Variants in SNRPN observed in about 807,000 individuals in gnomAD.
SNRPN encodes small nuclear ribonucleoprotein polypeptide N, also known as small nuclear ribonucleoprotein-associated protein N.
A neutral mutation model predicts 25.2 loss-of-function variants in SNRPN; 7 were observed. The ratio of observed to expected loss-of-function variants is 0.28; its 90% CI spans 0.16 to 0.52. The LOEUF is 0.52. Among genes scored for constraint, SNRPN ranks in the 20% least tolerant of loss-of-function variants. The probability of loss-of-function intolerance (pLI) is 0.96; values close to 1 mark genes in which losing one functional copy is unlikely to be tolerated. For synonymous variants in SNRPN, 124 were observed against 110.6 expected, an observed-to-expected ratio of 1.12 and a Z score of -0.76; for missense variants, 196 against 322.5, an observed-to-expected ratio of 0.61 and a Z score of 3.00.
intron 3 of SNRPN, among the ~76,000 whole-genome samples, chr15:24,924,364 C>G (rs2060246026): frequency 6.6e-6 from 1 of 151,964 alleles, no homozygotes; most frequent in Non-Finnish European, 1.5e-5. Flanking sequence ...GTGACAAAGT[C>G]TGCGTGTGTT....
At chr15:24,969,427 C>T (rs2076121741) in intron 3 of SNRPN, among the ~76,000 whole-genome samples, 1 of 152,120 alleles carries the variant, frequency 6.6e-6, no homozygotes, top group African/African-American at 2.4e-5. Flanking sequence ...CCGCGCCCGG[C>T]CCATTTTGAG....
At chr15:24,857,365 A>G (rs953276560) in intron 1 of SNRPN, among the ~76,000 whole-genome samples, 5 of 152,148 alleles carry the variant, frequency 3.3e-5, no homozygotes, top group African/African-American at 9.6e-5. Flanking sequence ...AACCAATGAT[A>G]TAGATATATA....
chr15:24,960,804 G>A (rs2074661790), intron 1 of SNRPN, among the ~76,000 whole-genome samples: 1 of 152,098 alleles, frequency 6.6e-6, no homozygotes, highest in Admixed American at 6.5e-5. Context: ...TTTGAGGTGT[G>A]AGTGACATAC....
At chr15:24,962,332 A>G (rs1335049846) in intron 2 of SNRPN, 123 bp downstream of exon 2, 3 of 756,902 alleles carry the variant, frequency 4.0e-6, no homozygotes, top group Non-Finnish European at 6.9e-6. Flanking sequence ...TCTAATACAG[A>G]AGATGTAGTA....
chr15:24,928,784 T>A (rs2060592363), intron 3 of SNRPN, among the ~76,000 whole-genome samples: 1 of 152,006 alleles, frequency 6.6e-6, no homozygotes, highest in Non-Finnish European at 1.5e-5. Flanking sequence ...TTTTTTTAAT[T>A]TTCTATAAAG....
chr15:24,929,636 G>A lies in SNRPN; in HGVS notation c.-391+9512G>A, dbSNP rs1349395370. 3.3e-5 allele frequency among the ~76,000 whole-genome samples: 5 copies of A among 151,888 alleles called. No homozygotes were observed. The highest frequency in any genetic ancestry group is 7.3e-5 in the African/African-American group (3 of 41,358). On this transcript the variant is annotated intron_variant, in intron 3 of 11. Transcript: ENST00000400097. This position sits in a 1 kb window ranked among gnomAD's most constrained non-coding sequence, Gnocchi z 5.3. ...GCCCAGGGCCCTGGGCTGAGACCCA[G>A]CCAACTCTCTATGGGGCTGCCACAC...
intron 2 of SNRPN, chr15:24,909,354 T>G: frequency 6.2e-7 from 1 of 1,602,066 alleles, no homozygotes; most frequent in Non-Finnish European, 8.5e-7. Flanking sequence ...AAAACTTTAT[T>G]GCCAGTGGTA....
intron 2 of SNRPN, among the ~76,000 whole-genome samples, chr15:24,901,464 A>G (rs765775669): frequency 3.9e-5 from 6 of 152,216 alleles, no homozygotes; most frequent in African/African-American, 1.2e-4. Context: ...CCCTAAGTCA[A>G]TTCACAGTTG....
intron 1 of SNRPN, among the ~76,000 whole-genome samples, chr15:24,956,187 G>T (rs1383085063): frequency 6.6e-6 from 1 of 152,188 alleles, no homozygotes; most frequent in African/African-American, 2.4e-5. Flanking sequence ...TGATAGGCCA[G>T]GTGATGCCTG....
At chr15:24,917,882 T>G (rs2059632033) in intron 2 of SNRPN, among the ~76,000 whole-genome samples, 1 of 152,226 alleles carries the variant, frequency 6.6e-6, no homozygotes, top group African/African-American at 2.4e-5. Context: ...TCTTATACTT[T>G]TTTCTTTTCG....
chr15:24,903,190 C>G (rs2058579592), intron 2 of SNRPN, among the ~76,000 whole-genome samples: 1 of 152,180 alleles, frequency 6.6e-6, no homozygotes, highest in Non-Finnish European at 1.5e-5. Flanking sequence ...AATCTGAAAG[C>G]ATATGCTGGG....
At chr15:24,952,807 T>C (rs976543806), upstream of SNRPN, among the ~76,000 whole-genome samples, 9 of 151,948 alleles carry the variant, frequency 5.9e-5, no homozygotes, top group Non-Finnish European at 1.2e-4. Flanking sequence ...CTGTAAAAAT[T>C]AAAAATACAA....
rs1031534018 is a variant in SNRPN, at chr15:24,872,472, G to A, written c.-578-14044G>A. ...TTGGAAAATATAGTTTAGGCTGGGC[G>A]CAGTGGCTCACGCCTGTAATCCCAG... On this transcript the variant is annotated intron_variant, in intron 1 of 11. Coordinates refer to the SNRPN transcript ENST00000400097. 5.0e-5 allele frequency among the ~76,000 whole-genome samples: 6 copies of A among 120,374 alleles called. 2 individuals carry two copies. The highest frequency in any genetic ancestry group is 2.8e-4 in the Admixed American group (3 of 10,896). 79.0% of individuals were successfully genotyped at this position (120,374 alleles called of 152,430 possible). A position where few individuals can be genotyped will look rare whatever the true frequency, so the allele number is the denominator to read the frequency against.
chr15:24,919,384 T>C (rs1330306227), intron 2 of SNRPN, among the ~76,000 whole-genome samples: 4 of 147,420 alleles, frequency 2.7e-5, no homozygotes, highest in Non-Finnish European at 4.4e-5. Context: ...TGAGCCGAGA[T>C]AGCGCCACTG....
chr15:24,954,885 A>G, upstream of SNRPN: 1 of 970,492 alleles, frequency 1.0e-6, no homozygotes, highest in South Asian at 1.5e-5. Context: ...GGACCCCTGC[A>G]CTGCGGCAAA....
chr15:24,901,965 T>A (rs533420387), intron 2 of SNRPN, among the ~76,000 whole-genome samples: 1 of 152,322 alleles, frequency 6.6e-6, no homozygotes, highest in Non-Finnish European at 1.5e-5. Context: ...CAAGACAAGT[T>A]CTTTTCCTTC....
At chr15:24,858,232 G>C (rs912007971) in intron 1 of SNRPN, among the ~76,000 whole-genome samples, 3 of 152,060 alleles carry the variant, frequency 2.0e-5, no homozygotes, top group African/African-American at 7.2e-5. Context: ...GGTTGTTTTG[G>C]GAAAGGGCTG....
chr15:24,833,161 A>AATGAT (rs1456022170), intron 2 of SNRPN, among the ~76,000 whole-genome samples: 1 of 149,632 alleles, frequency 6.7e-6, no homozygotes, highest in Non-Finnish European at 1.5e-5. Flanking sequence ...AAATGATGAG[A>AATGAT]ATGATGAATG....
intron 2 of SNRPN, among the ~76,000 whole-genome samples, chr15:24,918,962 C>T (rs11855153): frequency 0.97 from 23,989 of 24,704 alleles, 11,645 homozygotes; most frequent in South Asian, 0.98. Context: ...AATATATATG[C>T]GCGCATATAT....
Sources: allele counts gnomAD v4.1 joint callset (sites outside exome capture counted in the v4.1 genomes callset), GRCh38; gene constraint gnomAD v4.1.1; non-coding constraint Gnocchi (gnomAD v3.1); transcripts MANE v1.5; gene names NCBI Gene and HGNC (gene_info 2026-07-23, HGNC 2026-07-21).